The following USH2A variants were observed in gnomAD, a reference collection of about 807,000 sequenced individuals.
USH2A encodes the protein usherin.
A neutral mutation model predicts 538.9 loss-of-function variants in USH2A; 443 were observed. The ratio of observed to expected loss-of-function variants is 0.82; its 90% CI spans 0.76 to 0.89. The LOEUF (loss-of-function observed/expected upper bound fraction) is 0.89. USH2A is among the 40% of genes least tolerant of loss of function. The pLI, the probability that USH2A is intolerant of heterozygous loss-of-function variation, is 0.00. For missense variants in USH2A, 6,633 were observed against 6,324.8 expected (o/e 1.05, Z -1.65); for synonymous variants, 2,413 against 2,273.5 (o/e 1.06, Z -1.75).
chr1:215,735,785 T>A (rs1660139767), intron 60 of USH2A, among the ~76,000 whole-genome samples: 1 of 152,186 alleles, frequency 6.6e-6, no homozygotes. Flanking sequence ...GCTACTTTTA[T>A]AACCATGAAC....
At chr1:216,236,525 A>G (rs1234585673) in intron 13 of USH2A, among the ~76,000 whole-genome samples, 1 of 152,204 alleles carries the variant, frequency 6.6e-6, no homozygotes, top group Non-Finnish European at 1.5e-5. Flanking sequence ...AGATGTATGA[A>G]TGAAATGGAT....
chr1:216,370,564 G>A (rs527521638), intron 3 of USH2A, among the ~76,000 whole-genome samples: 138 of 148,490 alleles, frequency 9.3e-4, no homozygotes, highest in African/African-American at 3.4e-3. Flanking sequence ...CCTGTAATCC[G>A]GGCTACTCGG....
At chr1:215,692,290 G>A (rs1342594542) in intron 61 of USH2A, among the ~76,000 whole-genome samples, 1 of 152,114 alleles carries the variant, frequency 6.6e-6, no homozygotes, top group African/African-American at 2.4e-5. Context: ...AAGTTTGGCT[G>A]TAAACTGTAA....
intron 38 of USH2A, among the ~76,000 whole-genome samples, chr1:215,930,681 C>A (rs1469458827): frequency 6.6e-6 from 1 of 151,934 alleles, no homozygotes; most frequent in Non-Finnish European, 1.5e-5. Context: ...TAGATTTAAG[C>A]AAATTAAGGG....
At chr1:216,095,774 T>C (rs1192523455) in intron 22 of USH2A, among the ~76,000 whole-genome samples, 1 of 152,120 alleles carries the variant, frequency 6.6e-6, no homozygotes, top group Non-Finnish European at 1.5e-5. Context: ...TCAGATACAC[T>C]TGGTACAATA....
At chr1:215,904,079 A>T (rs1665571679) in intron 38 of USH2A, among the ~76,000 whole-genome samples, 1 of 152,148 alleles carries the variant, frequency 6.6e-6, no homozygotes, top group African/African-American at 2.4e-5. Flanking sequence ...AAAGTGCAAA[A>T]TGCATACAAT....
chr1:215,827,983 T>A (rs1404631269), intron 47 of USH2A, among the ~76,000 whole-genome samples: 2 of 152,098 alleles, frequency 1.3e-5, no homozygotes, highest in Non-Finnish European at 2.9e-5. Flanking sequence ...CTGAGAAAAG[T>A]TAGGCAGAAA....
intron 50 of USH2A, among the ~76,000 whole-genome samples, chr1:215,796,754 G>A (rs1226597920): frequency 2.6e-5 from 4 of 152,156 alleles, no homozygotes; most frequent in African/African-American, 7.2e-5. Flanking sequence ...ATTGAGGAAG[G>A]CATGTGGAAA....
Position 215,663,124 on chromosome 1 carries a change from T to C in USH2A, c.14133+7848A>G, listed in dbSNP as rs1571939685. ...GGAGTATCACACCTTTAGAGGCAAC[T>C]GTACTCCTGATTGAGATTTTTACAC... is the stretch of plus-strand genomic sequence containing the variant. On this transcript the variant is annotated intron_variant, in intron 64 of 71. Coordinates refer to ENST00000307340, the MANE Select transcript of USH2A (RefSeq NM_206933.4). 2.6e-5 allele frequency among the ~76,000 whole-genome samples: 4 copies of C among 152,324 alleles called. No homozygotes were observed. In the South Asian group the frequency reaches 8.3e-4, roughly 32 times the overall value.
chr1:215,835,164 CAAA>C (rs34758891), intron 47 of USH2A, among the ~76,000 whole-genome samples: 109 of 56,114 alleles, frequency 1.9e-3, no homozygotes, highest in Admixed American at 2.7e-3. Flanking sequence ...AGTGATGCAC[CAAA>C]AAAAAAAAAA....
At chr1:215,637,696 G>A (rs929746672) in intron 69 of USH2A, among the ~76,000 whole-genome samples, 2 of 152,004 alleles carry the variant, frequency 1.3e-5, no homozygotes, top group Non-Finnish European at 2.9e-5. Context: ...AGAATAATAC[G>A]TTATTTTTAC....
At chr1:216,050,882 G>GC (rs2030759574) in intron 30 of USH2A, among the ~76,000 whole-genome samples, 2 of 151,970 alleles carry the variant, frequency 1.3e-5, no homozygotes, top group Non-Finnish European at 1.5e-5. Flanking sequence ...TGGGATTACA[G>GC]GCGTGAGCCA....
At chr1:216,141,310 A>G (rs1193067264) in intron 21 of USH2A, among the ~76,000 whole-genome samples, 2 of 152,208 alleles carry the variant, frequency 1.3e-5, no homozygotes, top group African/African-American at 2.4e-5. Flanking sequence ...CCTCCCAGTG[A>G]GACTCCCTGC....
rs377323828 is a variant in USH2A at position 215,637,958 on chromosome 1, C to T, written c.15052+1197G>A. 1.4e-4 allele frequency among the ~76,000 whole-genome samples: 21 copies of T among 152,130 alleles called. No individual in the cohort carries two copies. The East Asian group carries it at 3.1e-3, about 22-fold the overall frequency. The stretch of plus-strand genomic sequence containing the variant: ...TCTCTAATTTGCTTTTATAAAGTAT[C>T]ACAAATTTAGATTCAGAGACTATGA... On this transcript the variant is annotated intron_variant, in intron 69 of 71. Coordinates refer to ENST00000307340, the MANE Select transcript of USH2A (RefSeq NM_206933.4).
intron 30 of USH2A, among the ~76,000 whole-genome samples, chr1:216,069,791 T>C (rs2031497005): frequency 6.6e-6 from 1 of 152,140 alleles, no homozygotes; most frequent in Admixed American, 6.6e-5. Flanking sequence ...TATTTATACA[T>C]AGGATTTCCA....
intron 58 of USH2A, among the ~76,000 whole-genome samples, chr1:215,751,425 A>C (rs1558082403): frequency 6.6e-6 from 1 of 152,132 alleles, no homozygotes; most frequent in East Asian, 1.9e-4. Context: ...TGTTAAATGC[A>C]ATGGCATTGT....
chr1:216,256,319 TC>T (rs1224420286), intron 11 of USH2A, among the ~76,000 whole-genome samples: 1 of 133,670 alleles, frequency 7.5e-6, no homozygotes, highest in Non-Finnish European at 1.6e-5. Context: ...ATTTCTTTTT[TC>T]CTTTTTTTTT....
In USH2A at chr1:216,346,421, C is replaced by T. The variant is rs185933240; in HGVS notation, c.784+18532G>A. Among the ~76,000 whole-genome samples, 21 of 152,098 alleles carry T rather than the reference C, an allele frequency of 1.4e-4. No homozygotes were observed. In the East Asian group the frequency reaches 3.3e-3, roughly 24 times the overall value. Reference sequence around the variant, plus strand: ...TAAGGCTGTCTTGTGTTTCGCATTGCGTTATCTGATGTTTTTTACTTTTGG... The same window carrying T: ...TAAGGCTGTCTTGTGTTTCGCATTGTGTTATCTGATGTTTTTTACTTTTGG... On this transcript the variant is annotated intron_variant, in intron 4 of 71. Coordinates refer to ENST00000307340, the MANE Select transcript of USH2A (RefSeq NM_206933.4).
At chr1:216,107,816 A>T (rs1019293733) in intron 21 of USH2A, among the ~76,000 whole-genome samples, 10 of 151,478 alleles carry the variant, frequency 6.6e-5, no homozygotes, top group African/African-American at 2.4e-4. Context: ...TAGACTTTTT[A>T]AAATGGCTCT....
Sources: gnomAD v4.1 joint callset for allele counts (sites outside exome capture counted in the v4.1 genomes callset) on GRCh38, gnomAD v4.1.1 for gene constraint, MANE v1.5 for transcripts, NCBI Gene and HGNC (gene_info 2026-07-23, HGNC 2026-07-21) for gene names.